Variants in DNAI7 observed in about 807,000 individuals in gnomAD.
DNAI7 encodes the protein cancer susceptibility 1.
In DNAI7, 78 loss-of-function variants were observed where a neutral mutation model predicts 86.6. The observed-to-expected ratio is 0.90, with a 90% CI of 0.75 to 1.09. The LOEUF (loss-of-function observed/expected upper bound fraction) is 1.09. Among genes scored for constraint, DNAI7 ranks in the 50% least tolerant of loss-of-function variants. The pLI is 0.00. For synonymous variants in DNAI7, 274 were observed against 273.0 expected, an observed-to-expected ratio of 1.00 and a Z score of -0.04; for missense variants, 753 against 810.2, an observed-to-expected ratio of 0.93 and a Z score of 0.86.
At chr12:25,108,138 G>A (rs1949346974), downstream of DNAI7, 1 of 1,501,218 alleles carries the variant, frequency 6.7e-7, no homozygotes, top group Non-Finnish European at 9.1e-7. Context: ...ACTTTTAGCT[G>A]GGAAAGTATA....
In DNAI7 at chr12:25,149,922, A is replaced by G. The variant is rs560448134; in HGVS notation, c.439-148T>C. On this transcript the variant is annotated intron_variant, in intron 6 of 15. Coordinates refer to ENST00000395987, the MANE Select transcript of DNAI7 (RefSeq NM_018272.5). ...TCCTGTATTTATTCTGTAATTTAAG[A>G]TCATAAACAAAAATTTCCTCCCAAA... 8.4e-5 allele frequency: 46 copies of G among 544,586 alleles called. No individual in the cohort carries two copies. The Admixed American group carries it at 1.2e-3, about 14-fold the overall frequency. The allele number at this position is 544,586 out of a possible 1,614,324, so 33.7% of individuals were successfully genotyped here.
Position 25,123,335 on chromosome 12 carries a change from T to C in DNAI7, c.1003-49A>G, listed in dbSNP as rs200741592. On this transcript the variant is annotated intron_variant, in intron 9 of 15. Coordinates refer to ENST00000395987, the MANE Select transcript of DNAI7 (RefSeq NM_018272.5). ...GGTGTGATTGTCAGTGTCTACATAGTACAGTCATTGTCTTTGTGTTCCAGT... is the reference window on the plus strand; with the variant it reads ...GGTGTGATTGTCAGTGTCTACATAGCACAGTCATTGTCTTTGTGTTCCAGT... 83 of 1,267,166 alleles carry C rather than the reference T, an allele frequency of 6.6e-5. 1 individual carries two copies. The East Asian group carries it at 2.1e-3, about 32-fold the overall frequency. 78.5% of individuals were successfully genotyped at this position (1,267,166 alleles called of 1,614,324 possible).
At chr12:25,127,604 G>A (rs1942326956) in intron 9 of DNAI7, among the ~76,000 whole-genome samples, 1 of 152,174 alleles carries the variant, frequency 6.6e-6, no homozygotes, top group Non-Finnish European at 1.5e-5. Context: ...AATCAGAGAA[G>A]GTAGCTAAAG....
At chr12:25,145,446 G>A (rs1461590521) in intron 8 of DNAI7, among the ~76,000 whole-genome samples, 1 of 151,996 alleles carries the variant, frequency 6.6e-6, no homozygotes, top group Non-Finnish European at 1.5e-5. Context: ...TCTTAAACCT[G>A]GGTAGTGAGT....
At chr12:25,178,464 GTTC>G (rs2141252638) in intron 2 of DNAI7, among the ~76,000 whole-genome samples, 1 of 151,904 alleles carries the variant, frequency 6.6e-6, no homozygotes, top group South Asian at 2.1e-4. Flanking sequence ...TATGCCTTTT[GTTC>G]TTCTTGACAT....
intron 9 of DNAI7, among the ~76,000 whole-genome samples, chr12:25,133,627 C>A (rs184222265): frequency 5.3e-5 from 8 of 152,318 alleles, no homozygotes; most frequent in Non-Finnish European, 7.3e-5. Flanking sequence ...GGAAATCATA[C>A]ATACTTCAGC....
intron 9 of DNAI7, 66 bp downstream of exon 9, chr12:25,144,299 C>G: frequency 7.3e-7 from 1 of 1,367,202 alleles, no homozygotes; most frequent in Non-Finnish European, 1.0e-6. Context: ...CTTGAGAACA[C>G]TTTAAGGGAA....
chr12:25,143,516 G>A (rs916502000), intron 9 of DNAI7, among the ~76,000 whole-genome samples: 3 of 152,032 alleles, frequency 2.0e-5, no homozygotes, highest in Non-Finnish European at 2.9e-5. Context: ...GAGCCACCAC[G>A]CCCGGCCTAT....
Position 25,195,158 on chromosome 12 carries a change from G to A in DNAI7, c.-80C>T. On this transcript the variant is annotated 5_prime_UTR_variant, in exon 1 of 16. Coordinates refer to ENST00000395987, the MANE Select transcript of DNAI7 (RefSeq NM_018272.5). ...ACAAACGCTCCCGGGTTGCCCGGAC[G>A]ACAGGCCCCGCCCACTTGAGCTCCA... 6.9e-7 allele frequency: 1 copy of A among 1,445,306 alleles called. No homozygotes were observed. The highest frequency in any genetic ancestry group is 9.7e-7 in the Non-Finnish European group (1 of 1,027,770). 89.5% of individuals were successfully genotyped at this position (1,445,306 alleles called of 1,614,324 possible).
intron 1 of DNAI7, among the ~76,000 whole-genome samples, chr12:25,193,845 G>T (rs558558125): frequency 1.1e-4 from 16 of 150,298 alleles, no homozygotes; most frequent in African/African-American, 3.9e-4. Context: ...TTTTTGAGAC[G>T]GAGTCTCGCT....
intron 9 of DNAI7, among the ~76,000 whole-genome samples, chr12:25,133,949 G>A (rs549134976): frequency 7.2e-5 from 11 of 152,166 alleles, no homozygotes; most frequent in African/African-American, 2.2e-4. Context: ...ATCACTAATT[G>A]CCTGCTGATC....
At chr12:25,137,414 C>G (rs1943672444) in intron 9 of DNAI7, among the ~76,000 whole-genome samples, 1 of 151,958 alleles carries the variant, frequency 6.6e-6, no homozygotes, top group African/African-American at 2.4e-5. Context: ...CAAAATATAC[C>G]AAAACAGAAC....
chr12:25,174,404 TGGG>T (rs1326974320), intron 2 of DNAI7, among the ~76,000 whole-genome samples: 12 of 340 alleles, frequency 0.035, 4 homozygotes, highest in African/African-American at 0.079. Flanking sequence ...ATCATATATA[TGGG>T]ATATATGGGA....
chr12:25,108,093 T>TTTAAG (rs1350931154), downstream of DNAI7: 4 of 1,599,556 alleles, frequency 2.5e-6, no homozygotes, highest in Admixed American at 1.7e-5. Flanking sequence ...GATCTTGATT[T>TTTAAG]TTAAGTTTCA....
At chr12:25,184,965 A>AC (rs1949895141) in intron 2 of DNAI7, among the ~76,000 whole-genome samples, 1 of 125,178 alleles carries the variant, frequency 8.0e-6, no homozygotes, top group African/African-American at 3.0e-5. Context: ...TCCCATCTCT[A>AC]TAAAAAAAAA....
In DNAI7 at chr12:25,164,399, A is replaced by G. The variant is rs1458079069; in HGVS notation, c.22-3202T>C. On this transcript the variant is annotated intron_variant, in intron 2 of 15. Transcript: ENST00000395987. ...TTTCTCTGGGCTTGCCTCCTTCACTATGGGCAAGCTCCCGCCCTCCATTCC... is the reference window on the plus strand; with the variant it reads ...TTTCTCTGGGCTTGCCTCCTTCACTGTGGGCAAGCTCCCGCCCTCCATTCC... Among the ~76,000 whole-genome samples the G allele has an allele frequency of 3.3e-5, 5 of 151,344 alleles. No homozygotes were observed. The East Asian group carries it at 9.8e-4, about 30-fold the overall frequency.
intron 2 of DNAI7, among the ~76,000 whole-genome samples, chr12:25,164,442 T>C (rs1304213650): frequency 6.6e-6 from 1 of 152,140 alleles, no homozygotes; most frequent in African/African-American, 2.4e-5. Context: ...TCCCTTAGCC[T>C]GTGTTCTTAA....
At chr12:25,136,036 ACTACCGCAG>A (rs1284492487) in intron 9 of DNAI7, among the ~76,000 whole-genome samples, 2 of 152,168 alleles carry the variant, frequency 1.3e-5, no homozygotes, top group Non-Finnish European at 2.9e-5. Context: ...ATCCTCCCAC[ACTACCGCAG>A]CTGATGCCCT....
chr12:25,132,181 C>T (rs1323768747), intron 9 of DNAI7, among the ~76,000 whole-genome samples: 3 of 151,982 alleles, frequency 2.0e-5, no homozygotes, highest in South Asian at 2.1e-4. Flanking sequence ...GAAAGTATTG[C>T]GTGTTCAGTA....
Sources: gnomAD v4.1 joint callset for allele counts (sites outside exome capture counted in the v4.1 genomes callset) on GRCh38, gnomAD v4.1.1 for gene constraint, MANE v1.5 for transcripts, NCBI Gene and HGNC (gene_info 2026-07-23, HGNC 2026-07-21) for gene names.